The following PKHD1L1 variants were observed in gnomAD, a reference collection of about 807,000 sequenced individuals.
The protein encoded by PKHD1L1 is fibrocystin-L.
In PKHD1L1, 434 loss-of-function variants were observed where a neutral mutation model predicts 462.9. That is an observed-to-expected ratio of 0.94 (90% CI 0.87 to 1.02). The LOEUF is 1.02. PKHD1L1 is among the 50% of genes least tolerant of loss of function. PKHD1L1 has a pLI of 0.00. For synonymous variants in PKHD1L1, 1,781 were observed against 1,750.0 expected, an observed-to-expected ratio of 1.02 and a Z score of -0.44; for missense variants, 5,202 against 5,096.1, an observed-to-expected ratio of 1.02 and a Z score of -0.63.
At chr8:109,422,770 G>A (rs752425332) in intron 23 of PKHD1L1, among the ~76,000 whole-genome samples, 28 of 152,098 alleles carry the variant, frequency 1.8e-4, no homozygotes, top group Non-Finnish European at 3.7e-4. Context: ...GTAAGAACAT[G>A]TATAGTTTTT....
Position 109,396,023 on chromosome 8 carries a change from C to A in PKHD1L1, c.812-4C>A. On this transcript the variant is annotated splice_polypyrimidine_tract_variant and splice_region_variant and intron_variant, in intron 10 of 77. Coordinates refer to ENST00000378402, the MANE Select transcript of PKHD1L1 (RefSeq NM_177531.6). ...ATATTTTATTTAATGTGGTTTTCCC[C>A]CAGAGGTCACCATGATTTTCCCTTC... The A allele has an allele frequency of 6.3e-7, 1 of 1,576,552 alleles. No individual in the cohort carries two copies. The highest frequency in any genetic ancestry group is 8.6e-7 in the Non-Finnish European group (1 of 1,156,410).
At chr8:109,389,684 T>C (rs1812619111) in intron 8 of PKHD1L1, among the ~76,000 whole-genome samples, 2 of 152,100 alleles carry the variant, frequency 1.3e-5, no homozygotes, top group African/African-American at 2.4e-5. Flanking sequence ...CACACCACCA[T>C]GCCTGGCTAA....
At chr8:109,473,563 G>A (rs2130862517) in intron 50 of PKHD1L1, among the ~76,000 whole-genome samples, 1 of 151,960 alleles carries the variant, frequency 6.6e-6, no homozygotes. Context: ...ACTCAATTCA[G>A]TGGAATTCCA....
intron 25 of PKHD1L1, among the ~76,000 whole-genome samples, chr8:109,427,409 T>G (rs568233036): frequency 6.6e-6 from 1 of 152,246 alleles, no homozygotes; most frequent in South Asian, 2.1e-4. Context: ...ATATGTGTGT[T>G]AGAATCCCCT....
chr8:109,443,085 TGTGG>T lies in PKHD1L1; in HGVS notation c.4536_4539del (p.Gly1513AlafsTer24), dbSNP rs1282673620. The T allele has an allele frequency of 6.2e-7, 1 of 1,613,584 alleles. No homozygotes were observed. The highest frequency in any genetic ancestry group is 8.5e-7 in the Non-Finnish European group (1 of 1,179,612). On this transcript the variant is annotated frameshift_variant, in exon 36 of 78. Transcript: ENST00000378402. LOFTEE classifies it high-confidence loss of function. ...CCAGACACATTCCCTTGCACCTGTT[TGTGG>T]GTCGCTCTGAAGCCACATATGCTTA...
chr8:109,486,051 T>C (rs984824944), intron 58 of PKHD1L1, among the ~76,000 whole-genome samples: 9 of 151,966 alleles, frequency 5.9e-5, no homozygotes, highest in African/African-American at 2.2e-4. Flanking sequence ...AAGTTTTGAG[T>C]AACATTTCTT....
chr8:109,429,350 C>G lies in PKHD1L1; in HGVS notation c.3011C>G (p.Ser1004Cys). ...GKQNLLQIND[S>C]NIIGEKANMT... ...TGTGTGTAAAAATAGATTAATGATT[C>G]CAACATTATTGGAGAAAAGGCTAAT... Residue 1004 changes from serine to cysteine, a missense_variant, in exon 26 of 78, where the codon TCC becomes TGC. This residue lies in a region of PKHD1L1 where 4,497 missense variants were observed against 4,336.8 expected (regional missense o/e 1.04). Coordinates refer to ENST00000378402, the MANE Select transcript of PKHD1L1 (RefSeq NM_177531.6). 6.6e-7 allele frequency: 1 copy of G among 1,517,164 alleles called. No homozygotes were observed. The highest frequency in any genetic ancestry group is 9.0e-7 in the Non-Finnish European group (1 of 1,108,748). The allele number at this position is 1,517,164 out of a possible 1,614,324, so 94.0% of individuals were successfully genotyped here. A position where few individuals can be genotyped will look rare whatever the true frequency, so the allele number is the denominator to read the frequency against.
chr8:109,390,262 C>T (rs9642806), intron 8 of PKHD1L1, among the ~76,000 whole-genome samples, 190 bp from the exon 9 acceptor site: 46,237 of 152,050 alleles, frequency 0.3, 7,665 homozygotes, highest in Admixed American at 0.44. Context: ...CACCTTATTA[C>T]GTATATTTTT....
intron 28 of PKHD1L1, 86 bp from the exon 29 acceptor site, chr8:109,435,104 C>T (rs1815330431): frequency 5.8e-6 from 8 of 1,387,144 alleles, no homozygotes; most frequent in Non-Finnish European, 8.0e-6. Context: ...AAAATGAAGG[C>T]CAATGTTAGT....
At position 109,477,221 on chromosome 8, in the gene PKHD1L1, T is replaced by C; in HGVS notation, c.8918-4T>C. On this transcript the variant is annotated splice_region_variant and splice_polypyrimidine_tract_variant and intron_variant, in intron 52 of 77. Coordinates refer to ENST00000378402, the MANE Select transcript of PKHD1L1 (RefSeq NM_177531.6). Reference sequence around the variant, plus strand: ...CATTTAACCCACTTTTACTTCACTTTCAGTGTCAGGAAGAAATGACCTTCA... The same window carrying C: ...CATTTAACCCACTTTTACTTCACTTCCAGTGTCAGGAAGAAATGACCTTCA... 1.2e-6 allele frequency: 2 copies of C among 1,613,022 alleles called. No individual in the cohort carries two copies. The highest frequency in any genetic ancestry group is 2.2e-5 in the South Asian group (2 of 90,978).
chr8:109,474,248 AT>A (rs1408861263), intron 50 of PKHD1L1, among the ~76,000 whole-genome samples: 1 of 152,158 alleles, frequency 6.6e-6, no homozygotes, highest in East Asian at 1.9e-4. Context: ...TTCCTCCTAA[AT>A]TTTTAAAATA....
At chr8:109,395,891 C>A in intron 10 of PKHD1L1, 136 bp from the exon 11 acceptor site, 1 of 590,654 alleles carries the variant, frequency 1.7e-6, no homozygotes. Context: ...AGTAATGAAA[C>A]ACCTAATTCA....
intron 28 of PKHD1L1, among the ~76,000 whole-genome samples, chr8:109,433,927 C>A (rs143043332): frequency 0.013 from 1,903 of 152,040 alleles, 37 homozygotes; most frequent in African/African-American, 0.037. Flanking sequence ...GAATACTATG[C>A]GGCAATAAAA....
chr8:109,461,276 G>T (rs1376601294), intron 47 of PKHD1L1, among the ~76,000 whole-genome samples: 1 of 152,080 alleles, frequency 6.6e-6, no homozygotes, highest in African/African-American at 2.4e-5. Context: ...AATGAGCTAC[G>T]TTCTCATTCC....
intron 3 of PKHD1L1, among the ~76,000 whole-genome samples, chr8:109,382,001 T>C (rs1292960505): frequency 1.3e-5 from 2 of 152,140 alleles, no homozygotes; most frequent in East Asian, 3.8e-4. Context: ...ACTTTCAATA[T>C]TGAACTTAGA....
chr8:109,388,499 T>G lies in PKHD1L1; in HGVS notation c.572T>G (p.Val191Gly), dbSNP rs1412229316. ...TTCTAATAAAAATATTTGTACAGAGTTTACATTGGAGGAATGCCCTGTGAG... is the reference window on the plus strand; with the variant it reads ...TTCTAATAAAAATATTTGTACAGAGGTTACATTGGAGGAATGCCCTGTGAG... Reference protein sequence around the residue: ...SNGKNVRILRVYIGGMPCELL... With the variant: ...SNGKNVRILRGYIGGMPCELL... The change falls in exon 7 of 78, where the codon GTT (valine) becomes GGT (glycine). Residue 191 changes from valine (V) to glycine (G), a missense_variant and splice_region_variant. By Grantham distance (109) the Val-to-Gly change is moderately radical. Coordinates refer to ENST00000378402, the MANE Select transcript of PKHD1L1 (RefSeq NM_177531.6). 1.3e-6 allele frequency: 2 copies of G among 1,508,296 alleles called. No homozygotes were observed. The highest frequency in any genetic ancestry group is 2.4e-5 in the South Asian group (2 of 82,518). 93.4% of individuals were successfully genotyped at this position (1,508,296 alleles called of 1,614,324 possible).
intron 37 of PKHD1L1, among the ~76,000 whole-genome samples, chr8:109,444,122 C>G (rs371149911): frequency 1.1e-4 from 16 of 151,474 alleles, no homozygotes; most frequent in South Asian, 6.3e-4. Flanking sequence ...ACCTCCCCCC[C>G]CCAAAAAAAA....
Position 109,438,421 on chromosome 8 carries a change from T to C in PKHD1L1, c.3725T>C (p.Ile1242Thr). ...TATAATTGTTTACAGACACCAATTA[T>C]AACTGATTTTAGTCCAAAAGTACGA... is the stretch of plus-strand genomic sequence containing the variant. ...FSYNCLQTPI[I>T]TDFSPKVRTI... is the part of the protein sequence containing the mutation. The change falls in exon 31 of 78, where the codon ATA (isoleucine) becomes ACA (threonine). Residue 1242 changes from isoleucine to threonine, a missense_variant. By Grantham distance (89) the Ile-to-Thr change is moderately conservative (BLOSUM62 -1). Coordinates refer to ENST00000378402, the MANE Select transcript of PKHD1L1 (RefSeq NM_177531.6). 6.5e-7 allele frequency: 1 copy of C among 1,540,634 alleles called. No individual in the cohort carries two copies. The highest frequency in any genetic ancestry group is 8.8e-7 in the Non-Finnish European group (1 of 1,140,862).
At chr8:109,364,411 C>T (rs948941950) in intron 1 of PKHD1L1, 136 bp from the exon 2 acceptor site, 4 of 686,378 alleles carry the variant, frequency 5.8e-6, no homozygotes, top group African/African-American at 5.5e-5. Context: ...AAAATAAAAC[C>T]TGGGTGAATT....
Sources: allele counts gnomAD v4.1 joint callset (sites outside exome capture counted in the v4.1 genomes callset), GRCh38; gene constraint gnomAD v4.1.1; regional missense constraint gnomAD v4.1.1; transcripts MANE v1.5; gene names NCBI Gene and HGNC (gene_info 2026-07-23, HGNC 2026-07-21).